The following HDAC9 variants were observed in gnomAD, a reference collection of about 807,000 sequenced individuals.
The protein encoded by HDAC9 is MEF-2 interacting transcription repressor (MITR) protein.
Under a neutral mutation model 139.4 loss-of-function variants are expected in HDAC9, and 41 were observed. The ratio of observed to expected loss-of-function variants is 0.29; its 90% CI spans 0.23 to 0.38. The LOEUF is 0.38. Among genes scored for constraint, HDAC9 ranks in the 10% least tolerant of loss-of-function variants. The probability of loss-of-function intolerance (pLI) is 1.00; values close to 1 mark genes in which losing one functional copy is unlikely to be tolerated. For missense variants in HDAC9, 1,147 were observed against 1,297.0 expected (o/e 0.88, Z 1.78); for synonymous variants, 517 against 476.2 (o/e 1.09, Z -1.12).
intron 1 of HDAC9, among the ~76,000 whole-genome samples, chr7:18,416,256 A>G (rs1282663893): frequency 1.3e-5 from 2 of 152,150 alleles, no homozygotes; most frequent in Admixed American, 6.5e-5. Context: ...AGATCGTGCC[A>G]TTATACTCCA....
At chr7:18,917,754 G>C (rs1803336796) in intron 22 of HDAC9, among the ~76,000 whole-genome samples, 1 of 152,004 alleles carries the variant, frequency 6.6e-6, no homozygotes, top group South Asian at 2.1e-4. Context: ...AGAAGAAAGG[G>C]AGACTCAGGG....
intron 1 of HDAC9, among the ~76,000 whole-genome samples, chr7:18,478,411 T>A (rs772448399): frequency 1.6e-4 from 24 of 152,232 alleles, no homozygotes; most frequent in Admixed American, 1.1e-3. Flanking sequence ...CATTTTCTAA[T>A]TCTGTGCTGC....
intron 2 of HDAC9, among the ~76,000 whole-genome samples, chr7:18,218,935 G>T (rs985658613): frequency 2.6e-5 from 4 of 151,902 alleles, no homozygotes; most frequent in Non-Finnish European, 5.9e-5. Context: ...GTTACTCCTG[G>T]GTCAAGGCAT....
At chr7:18,422,742 GCGCACACACACA>G (rs1352090253) in intron 1 of HDAC9, among the ~76,000 whole-genome samples, 2 of 136,126 alleles carry the variant, frequency 1.5e-5, no homozygotes, top group Non-Finnish European at 3.1e-5. Flanking sequence ...ACACACACAC[GCGCACACACACA>G]CACACACACA....
At chr7:18,688,952 G>T (rs1379060413) in intron 12 of HDAC9, among the ~76,000 whole-genome samples, 1 of 151,960 alleles carries the variant, frequency 6.6e-6, no homozygotes, top group Admixed American at 6.6e-5. Flanking sequence ...GTAAAGGAAA[G>T]ACAGTTTAAC....
chr7:18,547,205 G>C (rs1350796619), intron 2 of HDAC9, among the ~76,000 whole-genome samples: 1 of 152,196 alleles, frequency 6.6e-6, no homozygotes, highest in Admixed American at 6.5e-5. Flanking sequence ...AATCAGGGTG[G>C]TGGTTGCTGA....
At chr7:18,288,335 A>G (rs1034973200), upstream of HDAC9, among the ~76,000 whole-genome samples, 3 of 152,220 alleles carry the variant, frequency 2.0e-5, no homozygotes, top group Admixed American at 6.5e-5. Context: ...TTGCCTTGGC[A>G]TGTTATCTAG....
Position 18,941,412 on chromosome 7 carries a change from A to T in HDAC9, c.2937+5470A>T, listed in dbSNP as rs531028909. ...CTAAAGCTGCTGAAACAGTCTCTTGAATTGACTCTAGTAAGTGTTGACAAC... is the reference window on the plus strand; with the variant it reads ...CTAAAGCTGCTGAAACAGTCTCTTGTATTGACTCTAGTAAGTGTTGACAAC... On this transcript the variant is annotated intron_variant, in intron 23 of 25. Transcript: ENST00000686413. Among the ~76,000 whole-genome samples the T allele has an allele frequency of 3.9e-5, 6 of 152,244 alleles. No individual in the cohort carries two copies. In the South Asian group the frequency reaches 1.2e-3, roughly 32 times the overall value.
intron 1 of HDAC9, among the ~76,000 whole-genome samples, chr7:18,394,853 C>A (rs1786876077): frequency 6.6e-6 from 1 of 151,950 alleles, no homozygotes; most frequent in African/African-American, 2.4e-5. Context: ...ACTATGCAGG[C>A]CAATCAGCAA....
chr7:18,991,083 T>C (rs1785890874), intron 25 of HDAC9, among the ~76,000 whole-genome samples: 1 of 152,228 alleles, frequency 6.6e-6, no homozygotes. Flanking sequence ...CTTTATTCTT[T>C]TGTTGCAAAT....
intron 2 of HDAC9, among the ~76,000 whole-genome samples, chr7:18,576,757 G>A (rs750988303): frequency 5.9e-5 from 9 of 151,894 alleles, no homozygotes; most frequent in Non-Finnish European, 1.2e-4. Flanking sequence ...TCTTGTGTCT[G>A]CAATGATAAA....
At chr7:18,804,659 T>C (rs949424828) in intron 17 of HDAC9, among the ~76,000 whole-genome samples, 3 of 152,320 alleles carry the variant, frequency 2.0e-5, no homozygotes, top group South Asian at 4.1e-4. Flanking sequence ...CTGTGGACAA[T>C]GGATATTTAC....
intron 17 of HDAC9, among the ~76,000 whole-genome samples, chr7:18,828,732 G>A (rs2129205549): frequency 6.6e-6 from 1 of 152,280 alleles, no homozygotes; most frequent in Non-Finnish European, 1.5e-5. Context: ...AGGAGATCCA[G>A]TTAAAGAATT....
chr7:18,709,315 T>A (rs1473206319), intron 12 of HDAC9, among the ~76,000 whole-genome samples: 5 of 152,144 alleles, frequency 3.3e-5, no homozygotes. Context: ...TCTGTTCCTG[T>A]GTTAGTTTGC....
At chr7:18,625,286 C>A (rs1370838161) in intron 6 of HDAC9, among the ~76,000 whole-genome samples, 1 of 152,086 alleles carries the variant, frequency 6.6e-6, no homozygotes, top group East Asian at 1.9e-4. Flanking sequence ...CTTCCCTTAC[C>A]CTTCTCCAGC....
intron 21 of HDAC9, among the ~76,000 whole-genome samples, chr7:18,864,236 G>C (rs1798321395): frequency 6.6e-6 from 1 of 152,154 alleles, no homozygotes; most frequent in South Asian, 2.1e-4. Flanking sequence ...TAACAACATG[G>C]ATGAACCCAG....
chr7:18,734,534 G>A (rs1254176312), intron 13 of HDAC9, among the ~76,000 whole-genome samples: 2 of 151,952 alleles, frequency 1.3e-5, no homozygotes, highest in Non-Finnish European at 2.9e-5. Context: ...CCAGCTTCCA[G>A]CTTCATCCGT....
rs375255705 is a variant in HDAC9 at position 18,869,504 on chromosome 7, A to C, written c.2685-4974A>C. 1.6e-4 allele frequency among the ~76,000 whole-genome samples: 24 copies of C among 152,250 alleles called. No homozygotes were observed. The East Asian group carries it at 3.5e-3, about 22-fold the overall frequency. On this transcript the variant is annotated intron_variant, in intron 21 of 25. Transcript: ENST00000686413. The stretch of plus-strand genomic sequence containing the variant: ...GCATCATGCTTCCTGTACAGCCTGC[A>C]TAACTGTGAGCCAATTAAAGCTCTT...
chr7:18,874,903 G>A (rs962785720), intron 22 of HDAC9, among the ~76,000 whole-genome samples: 4 of 152,148 alleles, frequency 2.6e-5, no homozygotes, highest in Non-Finnish European at 5.9e-5. Flanking sequence ...TATGCTGCAT[G>A]ACTTGAGAGG....
Sources: gnomAD v4.1 joint callset for allele counts (sites outside exome capture counted in the v4.1 genomes callset) on GRCh38, gnomAD v4.1.1 for gene constraint, MANE v1.5 for transcripts, NCBI Gene and HGNC (gene_info 2026-07-23, HGNC 2026-07-21) for gene names.